The following PHKA2 variants were observed in gnomAD, a reference collection of about 807,000 sequenced individuals.
PHKA2 encodes the protein phosphorylase kinase regulatory subunit alpha 2.
A neutral mutation model predicts 102.0 loss-of-function variants in PHKA2; 31 were observed. The ratio of observed to expected loss-of-function variants is 0.30; its 90% confidence interval spans 0.23 to 0.41. The LOEUF (loss-of-function observed/expected upper bound fraction) is 0.41, where lower values mean the gene tolerates loss of function less well. PHKA2 is among the 10% of genes least tolerant of loss of function. The probability of loss-of-function intolerance (pLI) is 1.00; values close to 1 mark genes in which losing one functional copy is unlikely to be tolerated. For missense variants in PHKA2, 858 were observed against 1,023.1 expected, an observed-to-expected ratio of 0.84 and a Z score of 2.20; for synonymous variants, 455 against 416.2, an observed-to-expected ratio of 1.09 and a Z score of -1.13.
At chrX:18,938,856 A>G (rs1396776983) in intron 9 of PHKA2, 107 bp from the exon 10 acceptor site, 7 of 706,532 alleles carry the variant, frequency 9.9e-6, no homozygotes, top group African/African-American at 8.5e-5. Flanking sequence ...ACAGCTTTGA[A>G]GTTGGCATGA....
Position 18,920,273 on chromosome X carries a change from C to T in PHKA2, c.1794-72G>A, listed in dbSNP as rs16980924. The T allele has an allele frequency of 0.044, 25,206 of 575,023 alleles. 488 individuals are homozygous for T. The highest frequency in any genetic ancestry group is 0.055 in the Non-Finnish European group (17,531 of 320,223). 47.4% of individuals were successfully genotyped at this position (575,023 alleles called of 1,213,427 possible). On this transcript the variant is annotated intron_variant, in intron 17 of 32. Transcript: ENST00000379942. ...CCTTCCACTATGAATCACTGAGAGACTTTTGCACAACCATGTGGTGCTTCT... is the reference window on the plus strand; with the variant it reads ...CCTTCCACTATGAATCACTGAGAGATTTTTGCACAACCATGTGGTGCTTCT...
rs1431642322 is a variant in PHKA2 at position 18,908,889 on chromosome X, C to T, written c.2272G>A (p.Val758Met). 4 of 1,206,905 alleles carry T rather than the reference C, an allele frequency of 3.3e-6. No individual in the cohort carries two copies. The highest frequency in any genetic ancestry group is 3.5e-5 in the African/African-American group (2 of 57,082). ...TGCTCAACCAGCTTCTCACAGTCCA[C>T]GTCACCATGGTCATCTCTGGGCCAC... ...FQWPRDDHGD[V>M]DCEKLVEQLK... Residue 758 changes from valine (V) to methionine (M), a missense_variant, in exon 21 of 33, where the codon GTG becomes ATG. Coordinates refer to ENST00000379942, the MANE Select transcript of PHKA2 (RefSeq NM_000292.3).
rs770389791 is a variant in PHKA2 at position 18,941,694 on chromosome X, G to A, written c.718-19C>T. Reference sequence around the variant, plus strand: ...GAATAGACTGAATGAAAAACAAAGAGGTGGTTTAACCTGGAGATGCGCTAA... The same window carrying A: ...GAATAGACTGAATGAAAAACAAAGAAGTGGTTTAACCTGGAGATGCGCTAA... On this transcript the variant is annotated intron_variant, in intron 7 of 32. Coordinates refer to ENST00000379942, the MANE Select transcript of PHKA2 (RefSeq NM_000292.3). 24 of 1,133,529 alleles carry A rather than the reference G, an allele frequency of 2.1e-5. No individual in the cohort carries two copies. In the Admixed American group the frequency reaches 3.9e-4, roughly 19 times the overall value. 93.4% of individuals were successfully genotyped at this position (1,133,529 alleles called of 1,213,427 possible). A position where few individuals can be genotyped will look rare whatever the true frequency, so the allele number is the denominator to read the frequency against.
At position 18,946,736 on chromosome X, in the gene PHKA2, T is replaced by C. The variant is rs765121360; in HGVS notation, c.538-1578A>G. Among the ~76,000 whole-genome samples, 3 of 110,399 alleles carry C rather than the reference T, an allele frequency of 2.7e-5. No homozygotes were observed. The South Asian group carries it at 1.2e-3, about 44-fold the overall frequency. ...AAACTCCCTATCTCCTCCCTTCTGC[T>C]GATCTAGACTCTGCTCAGCTTCCAA... On this transcript the variant is annotated intron_variant, in intron 5 of 32. Transcript: ENST00000379942.
At position 18,893,109 on chromosome X, in the gene PHKA2, C is replaced by G; in HGVS notation, c.*376G>C. On this transcript the variant is annotated 3_prime_UTR_variant, in exon 33 of 33. Transcript: ENST00000379942. ...TCTTTAGGATGTGTCACTAGCTCAT[C>G]GAAACTATTTCTGTAACTCTCTGCA... is the stretch of plus-strand genomic sequence containing the variant. The G allele has an allele frequency of 4.0e-6, 1 of 251,816 alleles. No homozygotes were observed. Among genetic ancestry groups the G allele is most frequent in the Non-Finnish European group, 7.3e-6 (1 of 136,486 alleles). 20.8% of individuals were successfully genotyped at this position (251,816 alleles called of 1,213,427 possible).
chrX:18,942,276 T>C (rs745435598), intron 7 of PHKA2, among the ~76,000 whole-genome samples: 62 of 111,996 alleles, frequency 5.5e-4, no homozygotes, highest in African/African-American at 1.1e-3. Flanking sequence ...GATTAGGCGC[T>C]GGAAACTTGT....
rs750918572 is a variant in PHKA2, at chrX:18,894,455, TATCA to T, written c.3337-55_3337-52del. The stretch of plus-strand genomic sequence containing the variant: ...ACCAGTGAGAGGACAGATGCAGCCC[TATCA>T]ATCAATCACCGAGTAACCAAGGGTG... On this transcript the variant is annotated intron_variant, in intron 31 of 32. Transcript: ENST00000379942. The T allele has an allele frequency of 2.3e-5, 24 of 1,040,558 alleles. No homozygotes were observed. In the African/African-American group the frequency reaches 2.9e-4, roughly 13 times the overall value. The allele number at this position is 1,040,558 out of a possible 1,213,427, so 85.8% of individuals were successfully genotyped here.
chrX:18,903,921 T>C (rs1304563809), intron 26 of PHKA2, among the ~76,000 whole-genome samples: 1 of 111,511 alleles, frequency 9.0e-6, no homozygotes, highest in Non-Finnish European at 1.9e-5. Context: ...CACCTGAAAC[T>C]CTACCAACTC....
intron 1 of PHKA2, among the ~76,000 whole-genome samples, chrX:18,981,538 C>T (rs766910978): frequency 9.0e-6 from 1 of 111,281 alleles, no homozygotes; most frequent in Non-Finnish European, 1.9e-5. Context: ...AAGTCTTCTA[C>T]CAACAAAGAC....
At chrX:18,929,159 G>A (rs185432715) in intron 13 of PHKA2, 69 bp downstream of exon 13, 1 of 748,115 alleles carries the variant, frequency 1.3e-6, no homozygotes, top group East Asian at 3.5e-5. Context: ...AAGAAACTAG[G>A]CAACAATTTG....
chrX:18,952,971 A>G (rs1256095728), intron 2 of PHKA2, among the ~76,000 whole-genome samples: 2 of 112,491 alleles, frequency 1.8e-5, no homozygotes, highest in African/African-American at 6.5e-5. Context: ...GTAAAGCTCT[A>G]ACAAAATGCA....
chrX:18,931,872 G>C, intron 11 of PHKA2, 124 bp from the exon 12 acceptor site: 1 of 570,780 alleles, frequency 1.8e-6, no homozygotes, highest in Non-Finnish European at 3.1e-6. Context: ...TTCTGTGCAG[G>C]TGCCAGGAGG....
chrX:18,960,566 G>A (rs1476619121), intron 1 of PHKA2, among the ~76,000 whole-genome samples: 1 of 111,453 alleles, frequency 9.0e-6, no homozygotes, highest in Non-Finnish European at 1.9e-5. Context: ...ACCAAATCTC[G>A]GGAGAACTCA....
At chrX:18,937,077 CTG>C (rs2048405463) in intron 10 of PHKA2, among the ~76,000 whole-genome samples, 1 of 111,357 alleles carries the variant, frequency 9.0e-6, no homozygotes, top group Non-Finnish European at 1.9e-5. Context: ...ACATTTCCAG[CTG>C]ACTGCTGGTT....
chrX:18,975,967 CTTTTTTTTTTTT>C (rs200764030), intron 1 of PHKA2, among the ~76,000 whole-genome samples: 22 of 62,987 alleles, frequency 3.5e-4, no homozygotes, highest in Middle Eastern at 0.028. Context: ...AAGTCAAATT[CTTTTTTTTTTTT>C]TTTTTTTTTT....
chrX:18,966,786 C>T (rs1401664301), intron 1 of PHKA2, among the ~76,000 whole-genome samples: 1 of 111,866 alleles, frequency 8.9e-6, no homozygotes, highest in Non-Finnish European at 1.9e-5. Flanking sequence ...ACCTCTGCCC[C>T]AATTGGACCC....
chrX:18,938,048 C>T lies in PHKA2; in HGVS notation c.1041+579G>A, dbSNP rs777121579. 8.0e-5 allele frequency among the ~76,000 whole-genome samples: 9 copies of T among 112,702 alleles called. No homozygotes were observed. In the South Asian group the frequency reaches 3.3e-3, roughly 41 times the overall value. On this transcript the variant is annotated intron_variant, in intron 10 of 32. Coordinates refer to ENST00000379942, the MANE Select transcript of PHKA2 (RefSeq NM_000292.3). ...CCCCAGTGAACCACGCCTCCTAGTACTCATGCCCTTGTCTAGTCCCCTCCC... is the reference window on the plus strand; with the variant it reads ...CCCCAGTGAACCACGCCTCCTAGTATTCATGCCCTTGTCTAGTCCCCTCCC...
intron 1 of PHKA2, among the ~76,000 whole-genome samples, chrX:18,962,417 A>T (rs946774645): frequency 8.9e-6 from 1 of 112,030 alleles, no homozygotes; most frequent in Middle Eastern, 4.6e-3. Flanking sequence ...TGTTTCATAA[A>T]TTTTTGCTGA....
At chrX:18,943,155 T>C (rs940388188) in intron 7 of PHKA2, among the ~76,000 whole-genome samples, 2 of 111,937 alleles carry the variant, frequency 1.8e-5, no homozygotes, top group Non-Finnish European at 3.8e-5. Flanking sequence ...AAGAGTTTGC[T>C]GAGGGCCTAG....
Sources: gnomAD v4.1 joint callset for allele counts (sites outside exome capture counted in the v4.1 genomes callset) on GRCh38, gnomAD v4.1.1 for gene constraint, MANE v1.5 for transcripts, NCBI Gene and HGNC (gene_info 2026-07-23, HGNC 2026-07-21) for gene names.